Variants in KIF16B observed in about 807,000 individuals in gnomAD.
KIF16B encodes kinesin family member 16B, also known as kinesin-like protein KIF16B.
Under a neutral mutation model 156.3 loss-of-function variants are expected in KIF16B, and 98 were observed. The observed-to-expected ratio is 0.63, with a 90% confidence interval of 0.53 to 0.74. The LOEUF (loss-of-function observed/expected upper bound fraction) is 0.74, where lower values mean the gene tolerates loss of function less well. Among genes scored for constraint, KIF16B ranks in the 30% least tolerant of loss-of-function variants. KIF16B has a pLI of 0.00. For synonymous variants in KIF16B, 564 were observed against 583.7 expected, an observed-to-expected ratio of 0.97 and a Z score of 0.49; for missense variants, 1,421 against 1,606.5, an observed-to-expected ratio of 0.88 and a Z score of 1.97.
Position 16,286,027 on chromosome 20 carries a change from G to A in KIF16B, c.3796-12616C>T, listed in dbSNP as rs1169567639. ...GTACTAGCTCATTATTAATGAACAC[G>A]TAGGCTGTTCTAATCCTTTGCAGTC... On this transcript the variant is annotated intron_variant, in intron 25 of 25. Coordinates refer to ENST00000354981, the MANE Select transcript of KIF16B (RefSeq NM_024704.5). Among the ~76,000 whole-genome samples the A allele has an allele frequency of 3.3e-5, 5 of 152,174 alleles. No homozygotes were observed. In the East Asian group the frequency reaches 7.7e-4, roughly 23 times the overall value.
intron 1 of KIF16B, among the ~76,000 whole-genome samples, chr20:16,571,536 TC>T (rs34084859): frequency 0.14 from 21,911 of 151,970 alleles, 1,585 homozygotes; most frequent in Admixed American, 0.17. Context: ...CAGTACATAA[TC>T]CCTCTCTCAC....
chr20:16,312,880 T>C (rs764529407), intron 24 of KIF16B, among the ~76,000 whole-genome samples: 8 of 152,060 alleles, frequency 5.3e-5, no homozygotes, highest in Non-Finnish European at 2.9e-5. Flanking sequence ...TTTCAGACTA[T>C]TGCTAAGGTT....
At chr20:16,482,958 C>T (rs2068021042) in intron 12 of KIF16B, among the ~76,000 whole-genome samples, 1 of 152,112 alleles carries the variant, frequency 6.6e-6, no homozygotes, top group African/African-American at 2.4e-5. Flanking sequence ...TCAGGGTAAC[C>T]TATCCCTTAT....
intron 22 of KIF16B, among the ~76,000 whole-genome samples, chr20:16,366,198 C>A (rs897518223): frequency 6.6e-6 from 1 of 151,982 alleles, no homozygotes; most frequent in African/African-American, 2.4e-5. Flanking sequence ...AGAAGCTCCA[C>A]CCTGGGCAGA....
At chr20:16,439,401 G>A (rs976774200) in intron 12 of KIF16B, among the ~76,000 whole-genome samples, 2 of 152,062 alleles carry the variant, frequency 1.3e-5, no homozygotes, top group African/African-American at 4.8e-5. Context: ...GAATAAAATG[G>A]TCACCATATC....
Position 16,515,674 on chromosome 20 carries a change from A to C in KIF16B, c.232-10T>G, listed in dbSNP as rs559292625. On this transcript the variant is annotated splice_polypyrimidine_tract_variant and intron_variant, in intron 3 of 25. Transcript: ENST00000354981. ...CGAGGGTTTTGAAAACCTGAAAGCC[A>C]AAAAGAACACACAAAAGATACAATT... 7.0e-7 allele frequency: 1 copy of C among 1,432,950 alleles called. No individual in the cohort carries two copies. The highest frequency in any genetic ancestry group is 1.7e-5 in the Admixed American group (1 of 59,248). 88.8% of individuals were successfully genotyped at this position (1,432,950 alleles called of 1,614,324 possible).
chr20:16,538,009 C>T (rs2070047180), intron 1 of KIF16B, among the ~76,000 whole-genome samples: 1 of 152,088 alleles, frequency 6.6e-6, no homozygotes, highest in African/African-American at 2.4e-5. Flanking sequence ...CAGCCCTACC[C>T]ACATTTTCAA....
chr20:16,351,443 C>A (rs746397590), intron 23 of KIF16B, among the ~76,000 whole-genome samples: 1 of 152,216 alleles, frequency 6.6e-6, no homozygotes, highest in Non-Finnish European at 1.5e-5. Context: ...ACTGATGCCA[C>A]GTGTCAGTGA....
intron 17 of KIF16B, among the ~76,000 whole-genome samples, chr20:16,382,401 A>G (rs1158634402): frequency 1.3e-5 from 2 of 152,222 alleles, no homozygotes; most frequent in East Asian, 3.8e-4. Flanking sequence ...CTGAGTACCA[A>G]TAATAAATAT....
Position 16,272,998 on chromosome 20 carries a change from CTG to C in KIF16B, c.*253_*254del. 2.3e-6 allele frequency: 1 copy of C among 435,800 alleles called. No homozygotes were observed. Among genetic ancestry groups the C allele is most frequent in the Non-Finnish European group, 4.2e-6 (1 of 239,492 alleles). 27.0% of individuals were successfully genotyped at this position (435,800 alleles called of 1,614,324 possible). A position where few individuals can be genotyped will look rare whatever the true frequency, so the allele number is the denominator to read the frequency against. On this transcript the variant is annotated 3_prime_UTR_variant, in exon 26 of 26. Coordinates refer to ENST00000354981, the MANE Select transcript of KIF16B (RefSeq NM_024704.5). Reference sequence around the variant, plus strand: ...TTTGCTGCGCAGTGAGAAGGAAGCACTGTGGGAAAAGGCCACGTTCAACCGCA... The same window carrying C: ...TTTGCTGCGCAGTGAGAAGGAAGCACTGGGAAAAGGCCACGTTCAACCGCA...
intron 1 of KIF16B, among the ~76,000 whole-genome samples, chr20:16,532,289 G>A (rs2069789383): frequency 6.6e-6 from 1 of 152,238 alleles, no homozygotes; most frequent in Non-Finnish European, 1.5e-5. Flanking sequence ...CAGCTAAGGG[G>A]TAACATCTTG....
intron 12 of KIF16B, among the ~76,000 whole-genome samples, chr20:16,430,848 T>C (rs2066478663): frequency 6.8e-6 from 1 of 147,192 alleles, no homozygotes; most frequent in Non-Finnish European, 1.5e-5. Flanking sequence ...TGTGTGTGTA[T>C]GTATATATAT....
Position 16,573,295 on chromosome 20 carries a change from C to G in KIF16B, c.-20G>C, listed in dbSNP as rs1316805120. ...TGCCATCGCTCATCCCGAACCAGCC[C>G]GCGCGGGGTCCCACTAGCCCAGAAC... is the stretch of plus-strand genomic sequence containing the variant. On this transcript the variant is annotated 5_prime_UTR_variant, in exon 1 of 26. Coordinates refer to ENST00000354981, the MANE Select transcript of KIF16B (RefSeq NM_024704.5). The G allele has an allele frequency of 6.2e-7, 1 of 1,609,270 alleles. No homozygotes were observed. The highest frequency in any genetic ancestry group is 1.1e-5 in the South Asian group (1 of 90,294).
chr20:16,328,181 G>A (rs1222722536), intron 24 of KIF16B, among the ~76,000 whole-genome samples: 3 of 152,044 alleles, frequency 2.0e-5, no homozygotes, highest in Non-Finnish European at 4.4e-5. Context: ...GTATTTACTG[G>A]GTACCCAGAG....
chr20:16,479,095 T>A (rs1231038467), intron 12 of KIF16B, among the ~76,000 whole-genome samples: 1 of 152,190 alleles, frequency 6.6e-6, no homozygotes, highest in African/African-American at 2.4e-5. Context: ...TATACAACTA[T>A]GTACAAAGAC....
intron 12 of KIF16B, among the ~76,000 whole-genome samples, chr20:16,440,726 T>C (rs1479768380): frequency 6.6e-6 from 1 of 152,028 alleles, no homozygotes; most frequent in Non-Finnish European, 1.5e-5. Flanking sequence ...CCCTAAACAG[T>C]AAATACAATT....
chr20:16,491,194 CACA>C (rs1186238845), intron 12 of KIF16B, among the ~76,000 whole-genome samples: 1 of 152,056 alleles, frequency 6.6e-6, no homozygotes, highest in Non-Finnish European at 1.5e-5. Flanking sequence ...AGGCAAAGAC[CACA>C]AGACACCAGG....
chr20:16,464,253 G>T (rs2067426091), intron 12 of KIF16B, among the ~76,000 whole-genome samples: 1 of 152,000 alleles, frequency 6.6e-6, no homozygotes, highest in Non-Finnish European at 1.5e-5. Context: ...AAATTTATTT[G>T]CATGATTTAA....
chr20:16,500,500 C>T (rs2068589726), intron 10 of KIF16B, among the ~76,000 whole-genome samples: 1 of 152,106 alleles, frequency 6.6e-6, no homozygotes, highest in South Asian at 2.1e-4. Context: ...TGAGCTTTCA[C>T]AGAATGAGAA....
Sources: allele counts gnomAD v4.1 joint callset (sites outside exome capture counted in the v4.1 genomes callset), GRCh38; gene constraint gnomAD v4.1.1; transcripts MANE v1.5; gene names NCBI Gene and HGNC (gene_info 2026-07-23, HGNC 2026-07-21).